The following SENP7 variants were observed in gnomAD, a reference collection of about 807,000 sequenced individuals.
SENP7 encodes the protein sentrin-specific protease 7.
In SENP7, 64 loss-of-function variants were observed where a neutral mutation model predicts 141.2. The observed-to-expected ratio is 0.45, with a 90% CI of 0.37 to 0.56. The LOEUF (loss-of-function observed/expected upper bound fraction) is 0.56, where lower values mean the gene tolerates loss of function less well. Among genes scored for constraint, SENP7 ranks in the 20% least tolerant of loss-of-function variants. The probability of loss-of-function intolerance (pLI) is 0.00; values close to 1 mark genes in which losing one functional copy is unlikely to be tolerated. For synonymous variants in SENP7, 382 were observed against 426.4 expected, an observed-to-expected ratio of 0.90 and a Z score of 1.28; for missense variants, 1,025 against 1,212.2, an observed-to-expected ratio of 0.85 and a Z score of 2.29.
Position 101,399,013 on chromosome 3 carries a change from T to A in SENP7, c.525A>T (p.Leu175Phe). The A allele has an allele frequency of 1.2e-6, 2 of 1,613,254 alleles. No homozygotes were observed. The highest frequency in any genetic ancestry group is 1.7e-6 in the Non-Finnish European group (2 of 1,179,442). Residue 175 changes from leucine to phenylalanine, a missense_variant, in exon 6 of 24, where the codon TTA (leucine) becomes TTT (phenylalanine). Leu to Phe is a conservative substitution (Grantham distance 22). Around this residue, in one of 4 missense-constraint regions of SENP7, gnomAD observed 496 missense variants for 503.5 expected, o/e 0.99. Transcript: ENST00000394095. Reference protein sequence around the residue: ...VILTNVLGTELGRKYIRTPPV... With the variant: ...VILTNVLGTEFGRKYIRTPPV... ...GTGGGGTCCTTATGTATTTTCTTCC[T>A]AACTCCGTTCCCAGGACATTCGTCA... is the stretch of plus-strand genomic sequence containing the variant.
intron 1 of SENP7, among the ~76,000 whole-genome samples, chr3:101,508,385 A>T (rs541269825): frequency 6.6e-6 from 1 of 152,118 alleles, no homozygotes; most frequent in Non-Finnish European, 1.5e-5. Flanking sequence ...TCACGAGGTC[A>T]GGAGATCAAG....
intron 5 of SENP7, chr3:101,414,199 C>A (rs1038781937): frequency 4.3e-5 from 25 of 575,390 alleles, no homozygotes; most frequent in Non-Finnish European, 7.4e-5. Context: ...GGCCGCACAG[C>A]ATGGGGCAGT....
intron 4 of SENP7, among the ~76,000 whole-genome samples, chr3:101,444,392 G>A (rs2062802543): frequency 6.6e-6 from 1 of 151,930 alleles, no homozygotes; most frequent in Non-Finnish European, 1.5e-5. Context: ...CCATTACTGG[G>A]TATATACCCA....
At position 101,399,033 on chromosome 3, in the gene SENP7, T is replaced by C; in HGVS notation, c.505A>G (p.Asn169Asp). The change falls in exon 6 of 24, where the codon AAT (asparagine) becomes GAT (aspartate). Residue 169 changes from asparagine to aspartate, a missense_variant. Transcript: ENST00000394095. ...CTTCCTAACTCCGTTCCCAGGACATTCGTCAATATAACTCTGGGTATCCTG... is the reference window on the plus strand; with the variant it reads ...CTTCCTAACTCCGTTCCCAGGACATCCGTCAATATAACTCTGGGTATCCTG... ...SERIPRVILT[N>D]VLGTELGRKY... 1 of 1,612,264 alleles carries C rather than the reference T, an allele frequency of 6.2e-7. No homozygotes were observed. Among genetic ancestry groups the C allele is most frequent in the African/African-American group, 1.3e-5 (1 of 74,974 alleles).
chr3:101,509,920 T>C (rs150418313), intron 1 of SENP7, among the ~76,000 whole-genome samples: 43 of 152,370 alleles, frequency 2.8e-4, no homozygotes, highest in Middle Eastern at 3.4e-3. Context: ...TTTGAAAATA[T>C]TGAAGTTTGT....
chr3:101,456,028 A>G (rs889639321), intron 4 of SENP7, among the ~76,000 whole-genome samples: 2 of 152,214 alleles, frequency 1.3e-5, no homozygotes, highest in Non-Finnish European at 2.9e-5. Context: ...TTTCTACCAT[A>G]CAACAGAGAT....
chr3:101,332,207 A>G, intron 18 of SENP7, 98 bp from the exon 19 acceptor site: 1 of 1,235,804 alleles, frequency 8.1e-7, no homozygotes, highest in Non-Finnish European at 1.1e-6. Flanking sequence ...TAAATTTCAT[A>G]TTAATTTTGA....
At chr3:101,450,889 C>A (rs956198252) in intron 4 of SENP7, among the ~76,000 whole-genome samples, 1 of 151,886 alleles carries the variant, frequency 6.6e-6, no homozygotes, top group Non-Finnish European at 1.5e-5. Flanking sequence ...GAAATAGAGA[C>A]CCAAAAAACC....
At chr3:101,340,262 T>G in intron 15 of SENP7, 51 bp from the exon 16 acceptor site, 1 of 1,515,210 alleles carries the variant, frequency 6.6e-7, no homozygotes, top group Non-Finnish European at 8.8e-7. Flanking sequence ...AATCCTATTA[T>G]CTAAGAGATT....
chr3:101,380,758 C>T (rs2060479778), intron 6 of SENP7, among the ~76,000 whole-genome samples: 1 of 151,540 alleles, frequency 6.6e-6, no homozygotes, highest in African/African-American at 2.4e-5. Context: ...TAAATGTAGA[C>T]TGAATGTAAA....
intron 3 of SENP7, among the ~76,000 whole-genome samples, chr3:101,468,583 C>A (rs1287739952): frequency 1.3e-5 from 2 of 152,124 alleles, no homozygotes; most frequent in African/African-American, 4.8e-5. Context: ...AATTTTCAAT[C>A]CAGAATTTAA....
chr3:101,376,513 A>G (rs1288780977), intron 6 of SENP7, among the ~76,000 whole-genome samples: 3 of 151,764 alleles, frequency 2.0e-5, no homozygotes, highest in Non-Finnish European at 2.9e-5. Context: ...AGACTAGTAT[A>G]TAAGAAATGG....
chr3:101,356,731 A>C (rs2107310916), intron 11 of SENP7, among the ~76,000 whole-genome samples: 1 of 152,258 alleles, frequency 6.6e-6, no homozygotes, highest in South Asian at 2.1e-4. Context: ...TTTTTGAAAA[A>C]AAAAAGTGTT....
chr3:101,406,488 C>T (rs1266146967), intron 5 of SENP7, among the ~76,000 whole-genome samples: 6 of 150,924 alleles, frequency 4.0e-5, no homozygotes, highest in African/African-American at 7.3e-5. Context: ...ATGTAAATGA[C>T]GAGTTAATGG....
intron 4 of SENP7, among the ~76,000 whole-genome samples, chr3:101,435,646 A>C (rs1251277868): frequency 1.3e-5 from 2 of 152,132 alleles, no homozygotes; most frequent in Non-Finnish European, 2.9e-5. Context: ...AACAGCAAAA[A>C]ACACGAAAAA....
rs1324847560 is a variant in SENP7 at position 101,343,663 on chromosome 3, A to T, written c.2106+23T>A. ...TTTCTGAACCTCCCCCTTCTCTGCC[A>T]ATTATATTAATGATATGCTAACCTG... On this transcript the variant is annotated intron_variant, in intron 14 of 23. Coordinates refer to ENST00000394095, the MANE Select transcript of SENP7 (RefSeq NM_020654.5). 1.9e-6 allele frequency: 3 copies of T among 1,582,022 alleles called. No individual in the cohort carries two copies. The African/African-American group carries it at 4.1e-5, about 22-fold the overall frequency.
intron 2 of SENP7, among the ~76,000 whole-genome samples, chr3:101,496,779 T>A (rs2065175029): frequency 6.6e-6 from 1 of 151,924 alleles, no homozygotes; most frequent in Admixed American, 6.6e-5. Context: ...GCTTGCACCA[T>A]CTTGGCCAGG....
intron 6 of SENP7, 80 bp downstream of exon 6, chr3:101,398,781 A>T (rs2061046080): frequency 2.9e-6 from 3 of 1,040,746 alleles, no homozygotes; most frequent in Non-Finnish European, 4.1e-6. Context: ...ATTTAGCAAT[A>T]ATGTATCTGT....
chr3:101,392,042 A>G (rs1375043343), intron 6 of SENP7, among the ~76,000 whole-genome samples: 1 of 152,192 alleles, frequency 6.6e-6, no homozygotes, highest in Admixed American at 6.5e-5. Flanking sequence ...AAACCCTCAA[A>G]ATAATAGGCA....
Sources: gnomAD v4.1 joint callset for allele counts (sites outside exome capture counted in the v4.1 genomes callset) on GRCh38, gnomAD v4.1.1 for gene constraint, gnomAD v4.1.1 regional missense constraint, MANE v1.5 for transcripts, NCBI Gene and HGNC (gene_info 2026-07-23, HGNC 2026-07-21) for gene names.